PKHD1: variants seen among roughly 807,000 people sequenced by gnomAD.
The protein encoded by PKHD1 is PKHD1 ciliary IPT domain containing fibrocystin/polyductin, also known as fibrocystin.
In PKHD1, 291 loss-of-function variants were observed where a neutral mutation model predicts 412.0. That is an observed-to-expected ratio of 0.71 (90% CI 0.64 to 0.78). The LOEUF (loss-of-function observed/expected upper bound fraction) is 0.78. PKHD1 is among the 30% of genes least tolerant of loss of function. PKHD1 has a pLI of 0.00. For missense variants in PKHD1, 4,825 were observed against 4,950.7 expected, an observed-to-expected ratio of 0.97 and a Z score of 0.76; for synonymous variants, 1,777 against 1,821.5, an observed-to-expected ratio of 0.98 and a Z score of 0.62.
Position 51,906,227 on chromosome 6 carries a change from C to T in PKHD1, c.6796G>A (p.Ala2266Thr). 1 of 1,612,150 alleles carries T rather than the reference C, an allele frequency of 6.2e-7. No individual in the cohort carries two copies. Among genetic ancestry groups the T allele is most frequent in the Non-Finnish European group, 8.5e-7 (1 of 1,178,458 alleles). ...SNVFYNILGH[A>T]LLVGTCTEMR... ...TTGTTTTACTTACCAACTAGCAGCGCATGACCTAAAATATTGTAGAATACA... is the reference window on the plus strand; with the variant it reads ...TTGTTTTACTTACCAACTAGCAGCGTATGACCTAAAATATTGTAGAATACA... The change falls in exon 41 of 67, where the codon GCG (alanine) becomes ACG (threonine). Residue 2266 changes from alanine to threonine, a missense_variant. Transcript: ENST00000371117.
In PKHD1 at chr6:51,619,500, G is replaced by T. The variant is rs1006255892; in HGVS notation, c.11806C>A (p.Leu3936Met). Residue 3936 changes from leucine to methionine, a missense_variant, in exon 67 of 67, where the codon CTG becomes ATG. Physicochemically the swap from Leu to Met is conservative, Grantham distance 15. Coordinates refer to ENST00000371117, the MANE Select transcript of PKHD1 (RefSeq NM_138694.4). ...VGEDMRMKVMLGKVNQCPHQL... is the reference protein window; with the variant it reads ...VGEDMRMKVMMGKVNQCPHQL... ...TGGGGGCACTGGTTCACCTTGCCCA[G>T]CATGACCTTCATTCTCATATCTGGG... is the stretch of plus-strand genomic sequence containing the variant. The T allele has an allele frequency of 6.2e-7, 1 of 1,613,854 alleles. No individual in the cohort carries two copies. The highest frequency in any genetic ancestry group is 1.3e-5 in the African/African-American group (1 of 74,936).
chr6:51,735,679 A>G (rs1783750452), intron 60 of PKHD1, among the ~76,000 whole-genome samples: 1 of 152,148 alleles, frequency 6.6e-6, no homozygotes, highest in Non-Finnish European at 1.5e-5. Flanking sequence ...TAATTGCAGC[A>G]CTTTGGGAGG....
intron 27 of PKHD1, among the ~76,000 whole-genome samples, chr6:52,039,900 T>C (rs370046154): frequency 6.6e-6 from 1 of 152,212 alleles, no homozygotes; most frequent in African/African-American, 2.4e-5. Flanking sequence ...GGTATATCCA[T>C]ACCATGTAAT....
rs57495453 is a variant in PKHD1, at chr6:52,040,152, T to C, written c.3097+2707A>G. ...AATGTATACAGGTTCCTTTCCATGA[T>C]GATGAAAATGTTGTTGAATCAGGTG... On this transcript the variant is annotated intron_variant, in intron 27 of 66. Transcript: ENST00000371117. Among the ~76,000 whole-genome samples the C allele has an allele frequency of 9.3e-3, 1,409 of 152,262 alleles. 26 individuals carry two copies. Among genetic ancestry groups the C allele is most frequent in the African/African-American group, 0.032 (1,342 of 41,554 alleles).
intron 35 of PKHD1, among the ~76,000 whole-genome samples, chr6:51,983,750 G>T (rs1342939549): frequency 6.6e-6 from 1 of 152,218 alleles, no homozygotes; most frequent in African/African-American, 2.4e-5. Flanking sequence ...CTATTAATGA[G>T]CTTTGACGTT....
chr6:51,861,393 C>T (rs138543241), intron 48 of PKHD1, among the ~76,000 whole-genome samples: 1 of 152,304 alleles, frequency 6.6e-6, no homozygotes, highest in Admixed American at 6.5e-5. Flanking sequence ...TTGCACAGAG[C>T]TCTAAATGCT....
At chr6:52,059,100 T>C (rs907511406) in intron 15 of PKHD1, among the ~76,000 whole-genome samples, 3 of 152,176 alleles carry the variant, frequency 2.0e-5, no homozygotes, top group Admixed American at 6.5e-5. Context: ...TCAATGTTGT[T>C]GAGGAATTCC....
chr6:51,909,420 T>G lies in PKHD1; in HGVS notation c.6545A>C (p.Asp2182Ala), dbSNP rs1276901333. The stretch of plus-strand genomic sequence containing the variant: ...CTGAACGATCACTCTGGCTCCCATA[T>G]CCCTGGATCCTAGCATCTTCTCACT... ...SMSEKMLGSRDMGARVIVQSF... is the reference protein window; with the variant it reads ...SMSEKMLGSRAMGARVIVQSF... Residue 2182 changes from aspartate (D) to alanine (A), a missense_variant, in exon 40 of 67, where the codon GAT (aspartate) becomes GCT (alanine). Coordinates refer to ENST00000371117, the MANE Select transcript of PKHD1 (RefSeq NM_138694.4). 6.2e-7 allele frequency: 1 copy of G among 1,613,428 alleles called. No individual in the cohort carries two copies. Among genetic ancestry groups the G allele is most frequent in the East Asian group, 2.2e-5 (1 of 44,856 alleles).
chr6:51,811,460 GT>G, intron 52 of PKHD1, among the ~76,000 whole-genome samples: 1 of 152,198 alleles, frequency 6.6e-6, no homozygotes, highest in Admixed American at 6.5e-5. Context: ...TGATATGATA[GT>G]ATTTTGAATA....
intron 11 of PKHD1, among the ~76,000 whole-genome samples, chr6:52,068,821 T>A (rs1320444281): frequency 6.6e-6 from 1 of 152,204 alleles, no homozygotes; most frequent in Non-Finnish European, 1.5e-5. Flanking sequence ...AAATGACATT[T>A]TCTCCATGAC....
At chr6:51,724,986 T>C (rs1055387927) in intron 60 of PKHD1, among the ~76,000 whole-genome samples, 1 of 151,992 alleles carries the variant, frequency 6.6e-6, no homozygotes, top group Non-Finnish European at 1.5e-5. Flanking sequence ...AAGAAAAGGG[T>C]CAAAGAGAGG....
At chr6:51,931,218 A>T (rs764388467) in intron 37 of PKHD1, among the ~76,000 whole-genome samples, 1 of 152,030 alleles carries the variant, frequency 6.6e-6, no homozygotes, top group Non-Finnish European at 1.5e-5. Context: ...AGAAATCTAG[A>T]TTTACAAAAA....
chr6:51,811,063 T>C (rs191542295), intron 52 of PKHD1, among the ~76,000 whole-genome samples: 330 of 152,304 alleles, frequency 2.2e-3, no homozygotes, highest in Non-Finnish European at 3.9e-3. Flanking sequence ...TTCTTCTTTG[T>C]GCCACCTTTA....
At position 51,874,825 on chromosome 6, in the gene PKHD1, T is replaced by A. The variant is rs1037013232; in HGVS notation, c.7351-4186A>T. On this transcript the variant is annotated intron_variant, in intron 46 of 66. Transcript: ENST00000371117. ...CAGCGTGAGCGACGCAGAAGACGGG[T>A]GATTTCTGCATTTCCATCTGAGGTA... 3.5e-4 allele frequency among the ~76,000 whole-genome samples: 38 copies of A among 108,768 alleles called. 12 individuals carry two copies. Among genetic ancestry groups the A allele is most frequent in the African/African-American group, 1.3e-3 (37 of 27,636 alleles). 71.4% of individuals were successfully genotyped at this position (108,768 alleles called of 152,430 possible). A position where few individuals can be genotyped will look rare whatever the true frequency, so the allele number is the denominator to read the frequency against.
chr6:52,068,821 T>C (rs1320444281), intron 11 of PKHD1, among the ~76,000 whole-genome samples: 1 of 152,204 alleles, frequency 6.6e-6, no homozygotes, highest in African/African-American at 2.4e-5. Flanking sequence ...AAATGACATT[T>C]TCTCCATGAC....
intron 60 of PKHD1, among the ~76,000 whole-genome samples, chr6:51,681,102 T>C (rs1262559586): frequency 4.6e-5 from 7 of 152,064 alleles, no homozygotes; most frequent in Non-Finnish European, 8.8e-5. Context: ...GCTGCCCATG[T>C]ATAGACTGCA....
At chr6:51,888,907 A>T (rs1476064896) in intron 43 of PKHD1, among the ~76,000 whole-genome samples, 1 of 151,166 alleles carries the variant, frequency 6.6e-6, no homozygotes, top group Non-Finnish European at 1.5e-5. Flanking sequence ...TGATGCTATT[A>T]GTGGGAGGAA....
chr6:51,867,694 TACCATAC>T (rs1339970930), intron 48 of PKHD1, among the ~76,000 whole-genome samples, 162 bp downstream of exon 48: 2 of 152,176 alleles, frequency 1.3e-5, no homozygotes, highest in African/African-American at 4.8e-5. Context: ...AGCTTAAAAC[TACCATAC>T]ACTCATGATT....
chr6:51,773,827 C>CT lies in PKHD1; in HGVS notation c.8555-1039_8555-1038insA, dbSNP rs566586836. Among the ~76,000 whole-genome samples the CT allele has an allele frequency of 2.0e-3, 301 of 150,762 alleles. 2 individuals carry two copies. The highest frequency in any genetic ancestry group is 6.7e-3 in the African/African-American group (279 of 41,374). ...ATAATCCCAATTAATTAGAACTTAACCAACTGTTTATATCAACATCCACAT... is the reference window on the plus strand; with the variant it reads ...ATAATCCCAATTAATTAGAACTTAACTCAACTGTTTATATCAACATCCACAT... On this transcript the variant is annotated intron_variant, in intron 54 of 66. Transcript: ENST00000371117.
Sources: allele counts gnomAD v4.1 joint callset (sites outside exome capture counted in the v4.1 genomes callset), GRCh38; gene constraint gnomAD v4.1.1; transcripts MANE v1.5; gene names NCBI Gene and HGNC (gene_info 2026-07-23, HGNC 2026-07-21).